SLC36A4: variants seen among roughly 807,000 people sequenced by gnomAD.
SLC36A4 encodes neutral amino acid uniporter 4.
A neutral mutation model predicts 50.5 loss-of-function variants in SLC36A4; 49 were observed. The observed-to-expected ratio is 0.97, with a 90% CI of 0.77 to 1.23. The LOEUF (loss-of-function observed/expected upper bound fraction) is 1.23, where lower values mean the gene tolerates loss of function less well. Ranked by LOEUF, SLC36A4 falls within the 50% of genes most tolerant of loss-of-function variation. The pLI is 0.00. For missense variants in SLC36A4, 611 were observed against 608.4 expected (o/e 1.00, Z -0.05); for synonymous variants, 207 against 206.5 (o/e 1.00, Z -0.02).
At chr11:93,191,689 CA>C (rs1343672549) in intron 1 of SLC36A4, among the ~76,000 whole-genome samples, 1 of 152,124 alleles carries the variant, frequency 6.6e-6, no homozygotes, top group African/African-American at 2.4e-5. Context: ...TTTCCTGGCA[CA>C]ATAGACTCTC....
intron 10 of SLC36A4, among the ~76,000 whole-genome samples, chr11:93,151,660 T>C (rs539509248): frequency 6.6e-6 from 1 of 152,166 alleles, no homozygotes; most frequent in South Asian, 2.1e-4. Flanking sequence ...CTACTAAAGA[T>C]TTATAGGTTT....
At position 93,197,893 on chromosome 11, in the gene SLC36A4, G is replaced by C. The variant is rs1210356231; in HGVS notation, c.-61C>G. 1.4e-6 allele frequency: 2 copies of C among 1,477,178 alleles called. No homozygotes were observed. Among genetic ancestry groups the C allele is most frequent in the Admixed American group, 2.1e-5 (1 of 47,392 alleles). The allele number at this position is 1,477,178 out of a possible 1,614,324, so 91.5% of individuals were successfully genotyped here. Reference sequence around the variant, plus strand: ...CTCACTCTCCCGCCGCTGCGTGGCCGGCGTCAGGCCCAGGCCTACCTCCCC... The same window carrying C: ...CTCACTCTCCCGCCGCTGCGTGGCCCGCGTCAGGCCCAGGCCTACCTCCCC... On this transcript the variant is annotated 5_prime_UTR_variant, in exon 1 of 11. Coordinates refer to ENST00000326402, the MANE Select transcript of SLC36A4 (RefSeq NM_152313.4).
At chr11:93,157,344 C>G (rs1301092344) in intron 9 of SLC36A4, among the ~76,000 whole-genome samples, 1 of 152,134 alleles carries the variant, frequency 6.6e-6, no homozygotes, top group African/African-American at 2.4e-5. Context: ...TCTGGTTCCA[C>G]ATGAATTTTA....
intron 6 of SLC36A4, among the ~76,000 whole-genome samples, chr11:93,175,841 A>C (rs1861438132): frequency 1.5e-5 from 1 of 64,630 alleles, no homozygotes; most frequent in African/African-American, 5.9e-5. Flanking sequence ...GTTCTTTTAC[A>C]TTTGCTGAGG....
chr11:93,182,689 AGATTT>A, intron 4 of SLC36A4, 112 bp downstream of exon 4: 1 of 581,986 alleles, frequency 1.7e-6, no homozygotes, highest in Non-Finnish European at 2.9e-6. Context: ...TCATTACCTT[AGATTT>A]ATCTACGTAA....
intron 9 of SLC36A4, among the ~76,000 whole-genome samples, chr11:93,158,867 G>A (rs1860487572): frequency 6.6e-6 from 1 of 151,990 alleles, no homozygotes; most frequent in Non-Finnish European, 1.5e-5. Flanking sequence ...CTTTCTTAAA[G>A]TCACAGGAAT....
rs1861699594 is a variant in SLC36A4 at position 93,180,808 on chromosome 11, T to G, written c.529A>C (p.Asn177His). Reference protein sequence around the residue: ...CSVYIVFLAENVKQVHEGFLE... With the variant: ...CSVYIVFLAEHVKQVHEGFLE... ...AGAAAAATACTCACTTGTTTCACAT[T>G]TTCAGCTAAGAAGACAATATAAACA... Residue 177 changes from asparagine (N) to histidine (H), a missense_variant, in exon 6 of 11, where the codon AAT becomes CAT. Asn to His is a moderately conservative substitution (Grantham distance 68). Coordinates refer to ENST00000326402, the MANE Select transcript of SLC36A4 (RefSeq NM_152313.4). 1 of 1,611,584 alleles carries G rather than the reference T, an allele frequency of 6.2e-7. No homozygotes were observed.
chr11:93,192,645 T>G (rs1862261174), intron 1 of SLC36A4, among the ~76,000 whole-genome samples: 1 of 152,154 alleles, frequency 6.6e-6, no homozygotes, highest in Non-Finnish European at 1.5e-5. Flanking sequence ...AGTAAAAAAT[T>G]AAGATATTTT....
intron 1 of SLC36A4, chr11:93,197,304 G>A (rs1364070409): frequency 6.3e-6 from 1 of 158,390 alleles, no homozygotes; most frequent in Non-Finnish European, 1.4e-5. Context: ...GCAAGCTACA[G>A]GTATCTCCTG....
chr11:93,189,125 C>T (rs907408451), intron 1 of SLC36A4, among the ~76,000 whole-genome samples: 5 of 151,148 alleles, frequency 3.3e-5, no homozygotes, highest in African/African-American at 9.7e-5. Context: ...TACAATGGTG[C>T]GATCTTGGCT....
chr11:93,168,285 T>A (rs552643862), intron 6 of SLC36A4, 114 bp from the exon 7 acceptor site: 4 of 491,306 alleles, frequency 8.1e-6, no homozygotes, highest in Non-Finnish European at 1.4e-5. Context: ...TAAATTCCTA[T>A]GATATATTTT....
chr11:93,173,874 G>C (rs2134674057), intron 6 of SLC36A4, among the ~76,000 whole-genome samples: 1 of 138,096 alleles, frequency 7.2e-6, no homozygotes, highest in Admixed American at 7.6e-5. Context: ...TTGAAGTCAG[G>C]TAGTGTGATG....
chr11:93,185,936 A>C (rs1861966696), intron 1 of SLC36A4, 122 bp from the exon 2 acceptor site: 1 of 813,802 alleles, frequency 1.2e-6, no homozygotes, highest in Non-Finnish European at 1.8e-6. Flanking sequence ...TTCCATCCTA[A>C]GTTAGTTCAT....
Position 93,146,678 on chromosome 11 carries a change from T to A in SLC36A4, c.*1859A>T, listed in dbSNP as rs1386209454. The A allele has an allele frequency of 6.6e-6, 1 of 152,100 alleles. No homozygotes were observed. Among genetic ancestry groups the A allele is most frequent in the African/African-American group, 2.4e-5 (1 of 41,442 alleles). The allele number at this position is 152,100 out of a possible 1,614,324, so 9.4% of individuals were successfully genotyped here. ...TAGAGAATATATACAACTATAGTGA[T>A]CTTGATGATATCTTCAAGTATGGTA... On this transcript the variant is annotated 3_prime_UTR_variant, in exon 11 of 11. Transcript: ENST00000326402.
At chr11:93,162,943 A>C in intron 8 of SLC36A4, 68 bp from the exon 9 acceptor site, 1 of 1,461,646 alleles carries the variant, frequency 6.8e-7, no homozygotes, top group Non-Finnish European at 9.3e-7. Context: ...TGTCTCTTAT[A>C]CATACAAATT....
intron 5 of SLC36A4, 131 bp from the exon 6 acceptor site, chr11:93,181,012 C>T: frequency 1.5e-6 from 1 of 659,410 alleles, no homozygotes; most frequent in East Asian, 2.8e-5. Context: ...GTCAGGAACT[C>T]AGAGCAGTTC....
intron 3 of SLC36A4, among the ~76,000 whole-genome samples, chr11:93,183,927 T>C (rs1301338657): frequency 6.6e-6 from 1 of 152,138 alleles, no homozygotes; most frequent in Admixed American, 6.5e-5. Flanking sequence ...CTCAATCTCC[T>C]GACCTCGTGA....
At chr11:93,176,229 T>C (rs1019713787) in intron 6 of SLC36A4, among the ~76,000 whole-genome samples, 8 of 152,024 alleles carry the variant, frequency 5.3e-5, no homozygotes, top group Admixed American at 4.6e-4. Context: ...TTTTGATCTT[T>C]GTTGGTTTAA....
At chr11:93,150,772 T>G (rs1480463011) in intron 10 of SLC36A4, among the ~76,000 whole-genome samples, 1 of 152,028 alleles carries the variant, frequency 6.6e-6, no homozygotes, top group East Asian at 1.9e-4. Flanking sequence ...CTCTCAAAAT[T>G]CATTGAACAT....
Sources: gnomAD v4.1 joint callset for allele counts (sites outside exome capture counted in the v4.1 genomes callset) on GRCh38, gnomAD v4.1.1 for gene constraint, MANE v1.5 for transcripts, NCBI Gene and HGNC (gene_info 2026-07-23, HGNC 2026-07-21) for gene names.